PCDHAC2: variants seen among roughly 807,000 people sequenced by gnomAD.
The protein encoded by PCDHAC2 is protocadherin alpha subfamily C, 2.
PCDHAC2 carries 24 observed loss-of-function variants against 63.3 expected under a neutral mutation model. That is an observed-to-expected ratio of 0.38 (90% CI 0.27 to 0.53). The LOEUF is 0.53. Among genes scored for constraint, PCDHAC2 ranks in the 20% least tolerant of loss-of-function variants. The pLI is 0.81. For synonymous variants in PCDHAC2, 569 were observed against 529.4 expected (o/e 1.07, Z -1.03); for missense variants, 1,181 against 1,275.2 (o/e 0.93, Z 1.12).
Position 140,968,189 on chromosome 5 carries a change from T to C in PCDHAC2, c.1423T>C (p.Ser475Pro), listed in dbSNP as rs181004208. Reference protein sequence around the residue: ...NPPSFLEDSYSIYIQENNLPG... With the variant: ...NPPSFLEDSYPIYIQENNLPG... Reference sequence around the variant, plus strand: ...ACCAAGCTTCCTGGAGGACTCCTATTCCATCTACATACAGGAGAACAATTT... The same window carrying C: ...ACCAAGCTTCCTGGAGGACTCCTATCCCATCTACATACAGGAGAACAATTT... Residue 475 changes from serine to proline, a missense_variant, in exon 1 of 4, where the codon TCC (serine) becomes CCC (proline). By Grantham distance (74) the Ser-to-Pro change is moderately conservative. Around this residue, in one of 3 missense-constraint regions of PCDHAC2, gnomAD observed 968 missense variants for 1,073.5 expected, o/e 0.90. Coordinates refer to ENST00000289269, the MANE Select transcript of PCDHAC2 (RefSeq NM_018899.6). 2 of 1,614,034 alleles carry C rather than the reference T, an allele frequency of 1.2e-6. No individual in the cohort carries two copies. Among genetic ancestry groups the C allele is most frequent in the Middle Eastern group, 1.6e-4 (1 of 6,062 alleles).
chr5:140,968,287 C>T lies in PCDHAC2; in HGVS notation c.1521C>T (p.Ser507=), dbSNP rs7712041. ...DEKENAEVTY[S]LLEREIQGLP... Reference sequence around the variant, plus strand: ...AGGAGAATGCAGAGGTGACCTACTCCCTTCTGGAGAGGGAGATTCAAGGGC... The same window carrying T: ...AGGAGAATGCAGAGGTGACCTACTCTCTTCTGGAGAGGGAGATTCAAGGGC... The change falls in exon 1 of 4, where the codon TCC becomes TCT. Residue 507 remains serine (S), a synonymous_variant. Coordinates refer to ENST00000289269, the MANE Select transcript of PCDHAC2 (RefSeq NM_018899.6). The T allele has an allele frequency of 2.5e-3, 4,093 of 1,613,902 alleles. 64 individuals are homozygous for T. In the African/African-American group the frequency reaches 0.039, roughly 16 times the overall value.
chr5:140,975,056 A>C (rs1006106436), intron 1 of PCDHAC2, among the ~76,000 whole-genome samples: 1 of 152,154 alleles, frequency 6.6e-6, no homozygotes, highest in Non-Finnish European at 1.5e-5. Flanking sequence ...AGAATCTACT[A>C]TCGAGCTCAT....
chr5:140,972,359 A>T (rs1466504264), intron 1 of PCDHAC2, among the ~76,000 whole-genome samples: 3 of 151,418 alleles, frequency 2.0e-5, no homozygotes, highest in Non-Finnish European at 4.4e-5. Flanking sequence ...TATGTTGCAC[A>T]TGCTGTTAGT....
intron 3 of PCDHAC2, among the ~76,000 whole-genome samples, chr5:140,995,850 C>T (rs924455609): frequency 3.9e-5 from 6 of 152,080 alleles, no homozygotes; most frequent in African/African-American, 1.4e-4. Context: ...ACATTTCTAT[C>T]GTATCACTTA....
At position 141,010,400 on chromosome 5, in the gene PCDHAC2, T is replaced by C. The variant is rs145123720; in HGVS notation, c.*463T>C. 379 of 1,297,746 alleles carry C rather than the reference T, an allele frequency of 2.9e-4. No individual in the cohort carries two copies. Among genetic ancestry groups the C allele is most frequent in the Non-Finnish European group, 3.8e-4 (370 of 966,092 alleles). 80.4% of individuals were successfully genotyped at this position (1,297,746 alleles called of 1,614,324 possible). ...CAGATATTGGCTGAGACGAGCCAGC[T>C]TAGACTAATTGGTACAAGGAAGGCA... On this transcript the variant is annotated 3_prime_UTR_variant, in exon 4 of 4. Transcript: ENST00000289269.
At position 141,010,124 on chromosome 5, in the gene PCDHAC2, G is replaced by C. The variant is rs1161168842; in HGVS notation, c.*187G>C. 1.2e-6 allele frequency: 2 copies of C among 1,605,172 alleles called. No homozygotes were observed. The highest frequency in any genetic ancestry group is 1.1e-5 in the South Asian group (1 of 90,170). On this transcript the variant is annotated 3_prime_UTR_variant, in exon 4 of 4. Coordinates refer to ENST00000289269, the MANE Select transcript of PCDHAC2 (RefSeq NM_018899.6). ...GGTTTTGTCGTAAAAGCTTTACTAA[G>C]TCTGGTGTTAACTCTTTCTCTCCAC...
intron 2 of PCDHAC2, among the ~76,000 whole-genome samples, chr5:140,981,379 G>A (rs1387904235): frequency 1.3e-5 from 2 of 152,152 alleles, no homozygotes; most frequent in Admixed American, 1.3e-4. Flanking sequence ...TTCAAGACCA[G>A]CCTGGTCAAT....
At chr5:140,989,531 G>C (rs782610172) in intron 3 of PCDHAC2, among the ~76,000 whole-genome samples, 1 of 152,198 alleles carries the variant, frequency 6.6e-6, no homozygotes, top group Non-Finnish European at 1.5e-5. Flanking sequence ...AGAGGAGGAA[G>C]ATAGTTTGTA....
chr5:140,983,588 C>G (rs530448589), intron 3 of PCDHAC2, among the ~76,000 whole-genome samples: 1 of 152,152 alleles, frequency 6.6e-6, no homozygotes, highest in African/African-American at 2.4e-5. Context: ...TACATCTATT[C>G]TACATATGAG....
rs1554230905 is a variant in PCDHAC2, at chr5:140,968,592, C to G, written c.1826C>G (p.Ala609Gly). ...GGCTACCTGGTCACCAAAGTCATAG[C>G]TATGGACTCAGACTCTGGGCAAAAT... is the stretch of plus-strand genomic sequence containing the variant. ...PAGYLVTKVI[A>G]MDSDSGQNAW... The change falls in exon 1 of 4, where the codon GCT becomes GGT. Residue 609 changes from alanine (A) to glycine (G), a missense_variant. Ala to Gly is a moderately conservative substitution (Grantham distance 60, BLOSUM62 0). Transcript: ENST00000289269. 6.2e-7 allele frequency: 1 copy of G among 1,614,208 alleles called. No individual in the cohort carries two copies. The highest frequency in any genetic ancestry group is 1.3e-5 in the African/African-American group (1 of 75,062).
chr5:140,991,733 A>T (rs1360500460), intron 3 of PCDHAC2, among the ~76,000 whole-genome samples: 1 of 152,136 alleles, frequency 6.6e-6, no homozygotes, highest in African/African-American at 2.4e-5. Flanking sequence ...TGTTCAAGGT[A>T]ATGTAGGCTC....
At chr5:140,971,689 T>C (rs149234216) in intron 1 of PCDHAC2, among the ~76,000 whole-genome samples, 1 of 152,306 alleles carries the variant, frequency 6.6e-6, no homozygotes, top group East Asian at 1.9e-4. Context: ...GAATTTGTAC[T>C]CACTAACCAC....
intron 3 of PCDHAC2, among the ~76,000 whole-genome samples, chr5:141,001,534 G>A (rs2098024616): frequency 6.6e-6 from 1 of 152,180 alleles, no homozygotes; most frequent in African/African-American, 2.4e-5. Flanking sequence ...CTCTGATCCT[G>A]GACAGGATTT....
intron 3 of PCDHAC2, among the ~76,000 whole-genome samples, chr5:141,006,264 T>C (rs2098264343): frequency 6.6e-6 from 1 of 152,148 alleles, no homozygotes; most frequent in Non-Finnish European, 1.5e-5. Flanking sequence ...CAGGCTGGAC[T>C]GCAGTGGCAC....
chr5:140,966,824 A>T lies in PCDHAC2; in HGVS notation c.58A>T (p.Met20Leu). Residue 20 changes from methionine (M) to leucine (L), a missense_variant, in exon 1 of 4, where the codon ATG (methionine) becomes TTG (leucine). Physicochemically the swap from Met to Leu is conservative, Grantham distance 15. Transcript: ENST00000289269. ...AGAGCATCCACGGCTCCGGCGGCCC[A>T]TGCCCTGGCTGCTGCTACTGCCTCT... ...ATEHPRLRRP[M>L]PWLLLLPLLL... 2 of 1,559,992 alleles carry T rather than the reference A, an allele frequency of 1.3e-6. No homozygotes were observed. The highest frequency in any genetic ancestry group is 1.7e-6 in the Non-Finnish European group (2 of 1,156,886).
chr5:141,001,764 G>A (rs1186356180), intron 3 of PCDHAC2, among the ~76,000 whole-genome samples: 1 of 152,160 alleles, frequency 6.6e-6, no homozygotes, highest in East Asian at 1.9e-4. Context: ...GATGGCGGAT[G>A]GTTTTTGCCT....
intron 1 of PCDHAC2, among the ~76,000 whole-genome samples, chr5:140,976,450 C>T (rs2096717096): frequency 6.6e-6 from 1 of 152,040 alleles, no homozygotes; most frequent in South Asian, 2.1e-4. Flanking sequence ...ACTAGGGAGG[C>T]TGGGGAAGAA....
intron 2 of PCDHAC2, among the ~76,000 whole-genome samples, chr5:140,979,807 A>G (rs376087021): frequency 1.3e-4 from 20 of 152,376 alleles, no homozygotes; most frequent in African/African-American, 4.1e-4. Flanking sequence ...CACAACTATC[A>G]AAAGGATTTA....
Position 141,009,639 on chromosome 5 carries a change from G to A in PCDHAC2, c.2726G>A (p.Gly909Glu). The stretch of plus-strand genomic sequence containing the variant: ...TTTTGTCTTTCAGAACCAGAGGCAG[G>A]AGAAGTGTCCCCTCCAGTCGGTGCG... ...VSSATPEPEA[G>E]EVSPPVGAGV... The change falls in exon 4 of 4, where the codon GGA becomes GAA. Residue 909 changes from glycine to glutamate, a missense_variant. Transcript: ENST00000289269. The A allele has an allele frequency of 6.2e-7, 1 of 1,613,406 alleles. No individual in the cohort carries two copies. The highest frequency in any genetic ancestry group is 8.5e-7 in the Non-Finnish European group (1 of 1,179,594).
Sources: gnomAD v4.1 joint callset for allele counts (sites outside exome capture counted in the v4.1 genomes callset) on GRCh38, gnomAD v4.1.1 for gene constraint, gnomAD v4.1.1 regional missense constraint, MANE v1.5 for transcripts, NCBI Gene and HGNC (gene_info 2026-07-23, HGNC 2026-07-21) for gene names.